The following PRKD1 variants were observed in gnomAD, a reference collection of about 807,000 sequenced individuals.
PRKD1 encodes serine/threonine-protein kinase D1.
In PRKD1, 63 loss-of-function variants were observed where a neutral mutation model predicts 95.9. That is an observed-to-expected ratio of 0.66 (90% confidence interval 0.54 to 0.81). The LOEUF is 0.81. PRKD1 is among the 30% of genes least tolerant of loss of function. PRKD1 has a pLI of 0.00. For synonymous variants in PRKD1, 425 were observed against 423.1 expected (o/e 1.00, Z -0.05); for missense variants, 1,048 against 1,165.3 (o/e 0.90, Z 1.47).
At chr14:29,686,744 C>G (rs1451138973) in intron 2 of PRKD1, among the ~76,000 whole-genome samples, 3 of 152,160 alleles carry the variant, frequency 2.0e-5, no homozygotes, top group East Asian at 1.9e-4. Flanking sequence ...GTGATAATCA[C>G]ATTACTTGCT....
chr14:29,609,745 G>C (rs1161589249), intron 13 of PRKD1, among the ~76,000 whole-genome samples: 2 of 139,734 alleles, frequency 1.4e-5, no homozygotes, highest in Non-Finnish European at 3.1e-5. Context: ...TTTTAGTAGA[G>C]ACAGGGTTTC....
intron 2 of PRKD1, among the ~76,000 whole-genome samples, chr14:29,688,857 C>G (rs1014096511): frequency 1.4e-5 from 2 of 142,360 alleles, no homozygotes; most frequent in Non-Finnish European, 3.0e-5. Context: ...TGTGTGAACC[C>G]GGGAGGTGGA....
chr14:29,597,398 AT>A, intron 16 of PRKD1, 92 bp downstream of exon 16: 1 of 1,282,794 alleles, frequency 7.8e-7, no homozygotes, highest in Non-Finnish European at 1.0e-6. Flanking sequence ...ATGAGCATGT[AT>A]TAAGTTAATA....
intron 1 of PRKD1, among the ~76,000 whole-genome samples, chr14:29,801,841 A>C (rs1468216635): frequency 6.6e-6 from 1 of 152,212 alleles, no homozygotes; most frequent in East Asian, 1.9e-4. Context: ...GGCATGCGCC[A>C]ACACACCTGG....
chr14:29,698,463 C>T (rs1884652492), intron 2 of PRKD1, among the ~76,000 whole-genome samples: 1 of 152,082 alleles, frequency 6.6e-6, no homozygotes, highest in Non-Finnish European at 1.5e-5. Context: ...ACGGTAGATA[C>T]AGATTGGCCT....
At chr14:29,662,513 C>A (rs939632620) in intron 4 of PRKD1, among the ~76,000 whole-genome samples, 2 of 152,008 alleles carry the variant, frequency 1.3e-5, no homozygotes, top group Non-Finnish European at 2.9e-5. Context: ...TTAGTACCTG[C>A]CTTCTCCAAC....
At chr14:29,587,744 C>G (rs1050377212) in intron 16 of PRKD1, among the ~76,000 whole-genome samples, 2 of 152,146 alleles carry the variant, frequency 1.3e-5, no homozygotes, top group African/African-American at 4.8e-5. Context: ...AAAAATCACT[C>G]TACTGGTAGA....
intron 10 of PRKD1, among the ~76,000 whole-genome samples, chr14:29,629,394 G>T (rs549017989): frequency 2.5e-4 from 38 of 152,232 alleles, no homozygotes; most frequent in Admixed American, 5.9e-4. Context: ...ACTTAACCTC[G>T]CTCGAGAGAC....
At chr14:29,921,439 G>A (rs927568107) in intron 1 of PRKD1, among the ~76,000 whole-genome samples, 7 of 151,842 alleles carry the variant, frequency 4.6e-5, no homozygotes, top group African/African-American at 1.7e-4. Context: ...CAGTATGCTA[G>A]TCTATAGAGC....
At chr14:29,766,625 C>T (rs1888271644) in intron 1 of PRKD1, among the ~76,000 whole-genome samples, 1 of 152,144 alleles carries the variant, frequency 6.6e-6, no homozygotes, top group Non-Finnish European at 1.5e-5. Flanking sequence ...TGTATGTATA[C>T]TCCAATGGAC....
intron 4 of PRKD1, among the ~76,000 whole-genome samples, chr14:29,662,977 G>T (rs373437919): frequency 6.7e-6 from 1 of 148,718 alleles, no homozygotes; most frequent in Non-Finnish European, 1.5e-5. Flanking sequence ...ATTTTGTTTC[G>T]AATGTTTGGA....
intron 2 of PRKD1, among the ~76,000 whole-genome samples, chr14:29,689,310 C>G: frequency 6.6e-6 from 1 of 151,828 alleles, no homozygotes; most frequent in East Asian, 1.9e-4. Flanking sequence ...CATGAACAGA[C>G]ATTTCTCAAA....
chr14:29,914,835 T>C (rs146559335), intron 1 of PRKD1, among the ~76,000 whole-genome samples: 3,522 of 151,750 alleles, frequency 0.023, 148 homozygotes, highest in African/African-American at 0.081. Flanking sequence ...TGCAGTGGCG[T>C]GATCTCGGCT....
At chr14:29,691,239 A>G (rs1472284185) in intron 2 of PRKD1, among the ~76,000 whole-genome samples, 1 of 152,212 alleles carries the variant, frequency 6.6e-6, no homozygotes, top group Non-Finnish European at 1.5e-5. Context: ...CAAACTATGT[A>G]GAACACCAGG....
chr14:29,749,380 G>C (rs918542911), intron 1 of PRKD1, among the ~76,000 whole-genome samples: 1 of 152,152 alleles, frequency 6.6e-6, no homozygotes, highest in Non-Finnish European at 1.5e-5. Context: ...GCCTATTCAG[G>C]TTGGAATATA....
chr14:29,853,788 T>A (rs1277131035), intron 1 of PRKD1, among the ~76,000 whole-genome samples: 1 of 152,222 alleles, frequency 6.6e-6, no homozygotes, highest in Non-Finnish European at 1.5e-5. Flanking sequence ...GGGAGATGGT[T>A]GAATCATGGG....
intron 13 of PRKD1, among the ~76,000 whole-genome samples, chr14:29,621,967 C>A (rs1879293424): frequency 6.6e-6 from 1 of 152,108 alleles, no homozygotes; most frequent in African/African-American, 2.4e-5. Context: ...AAGGATTTTC[C>A]AAATGTATAT....
intron 1 of PRKD1, among the ~76,000 whole-genome samples, chr14:29,767,195 T>G (rs890041097): frequency 2.0e-5 from 3 of 152,172 alleles, no homozygotes; most frequent in African/African-American, 7.2e-5. Context: ...TTGAACAATC[T>G]GCCCAGTTTC....
intron 1 of PRKD1, among the ~76,000 whole-genome samples, chr14:29,778,753 A>G (rs1888894384): frequency 6.6e-6 from 1 of 152,212 alleles, no homozygotes. Context: ...ATTCCAATTG[A>G]TAGAAAAAGA....
Sources: allele counts gnomAD v4.1 joint callset (sites outside exome capture counted in the v4.1 genomes callset), GRCh38; gene constraint gnomAD v4.1.1; transcripts MANE v1.5; gene names NCBI Gene and HGNC (gene_info 2026-07-23, HGNC 2026-07-21).